Variants in LMO7 observed in about 807,000 individuals in gnomAD.
LMO7 encodes LIM domain 7.
A neutral mutation model predicts 206.5 loss-of-function variants in LMO7; 120 were observed. That is an observed-to-expected ratio of 0.58 (90% CI 0.50 to 0.68). LMO7 has a LOEUF of 0.68. Among genes scored for constraint, LMO7 ranks in the 30% least tolerant of loss-of-function variants. The probability of loss-of-function intolerance (pLI) is 0.00; values close to 1 mark genes in which losing one functional copy is unlikely to be tolerated. For missense variants in LMO7, 1,959 were observed against 1,957.9 expected (o/e 1.00, Z -0.01); for synonymous variants, 706 against 681.5 (o/e 1.04, Z -0.56).
chr13:75,659,439 A>C (rs1365467112), intron 1 of LMO7, among the ~76,000 whole-genome samples: 1 of 152,200 alleles, frequency 6.6e-6, no homozygotes, highest in Non-Finnish European at 1.5e-5. Context: ...GTTTAATTGG[A>C]CTTACAGTTC....
intron 1 of LMO7, among the ~76,000 whole-genome samples, chr13:75,671,862 C>T (rs879711270): frequency 6.6e-6 from 1 of 152,036 alleles, no homozygotes; most frequent in Admixed American, 6.6e-5. Context: ...TCTCTAAAGG[C>T]TCTGCATCAT....
At chr13:75,757,421 T>C (rs1025225942) in intron 3 of LMO7, among the ~76,000 whole-genome samples, 14 of 152,232 alleles carry the variant, frequency 9.2e-5, no homozygotes, top group Admixed American at 4.6e-4. Context: ...TAATGTATTA[T>C]GCACCAATAG....
chr13:75,855,306 G>A lies in LMO7; in HGVS notation c.4708G>A (p.Gly1570Ser). ...ATGCTCCTACTGCAATAACATTCTG[G>A]GCAAAGGAGCCGCCATGATCATCGA... ...RICSYCNNIL[G>S]KGAAMIIESL... The change falls in exon 29 of 31, where the codon GGC becomes AGC. Residue 1570 changes from glycine (G) to serine (S), a missense_variant. By Grantham distance (56) the Gly-to-Ser change is moderately conservative. Coordinates refer to ENST00000377534, the MANE Select transcript of LMO7 (RefSeq NM_001306080.2). 1 of 1,613,954 alleles carries A rather than the reference G, an allele frequency of 6.2e-7. No homozygotes were observed. Among genetic ancestry groups the A allele is most frequent in the Non-Finnish European group, 8.5e-7 (1 of 1,179,886 alleles).
intron 1 of LMO7, among the ~76,000 whole-genome samples, chr13:75,645,923 A>G (rs1322718914): frequency 2.6e-5 from 4 of 152,170 alleles, no homozygotes; most frequent in African/African-American, 7.2e-5. Flanking sequence ...TCAAGTTCAT[A>G]TATCTTCTCC....
chr13:75,780,291 A>T (rs1016821026), intron 4 of LMO7, among the ~76,000 whole-genome samples: 2 of 152,088 alleles, frequency 1.3e-5, no homozygotes, highest in African/African-American at 4.8e-5. Flanking sequence ...ACCAGGGCGT[A>T]TTTCATCCCA....
At chr13:75,808,620 A>G (rs2055880215) in intron 10 of LMO7, among the ~76,000 whole-genome samples, 1 of 152,118 alleles carries the variant, frequency 6.6e-6, no homozygotes, top group South Asian at 2.1e-4. Flanking sequence ...GGCATTGCAA[A>G]TTTCATTTAA....
intron 1 of LMO7, among the ~76,000 whole-genome samples, chr13:75,710,279 C>A (rs1413860456): frequency 6.6e-6 from 1 of 152,076 alleles, no homozygotes; most frequent in Non-Finnish European, 1.5e-5. Context: ...CTTGGCAATG[C>A]AGGCCCTTTT....
intron 1 of LMO7, among the ~76,000 whole-genome samples, chr13:75,664,250 A>G (rs984677515): frequency 6.6e-6 from 1 of 152,182 alleles, no homozygotes; most frequent in Non-Finnish European, 1.5e-5. Context: ...AATTTATAAA[A>G]ATAAACTTTT....
chr13:75,656,424 T>A (rs146825168), intron 1 of LMO7, among the ~76,000 whole-genome samples: 1 of 152,338 alleles, frequency 6.6e-6, no homozygotes, highest in East Asian at 1.9e-4. Flanking sequence ...TACCCAGCAA[T>A]TCAGATTGGT....
At chr13:75,828,270 G>A (rs7322777) in intron 15 of LMO7, among the ~76,000 whole-genome samples, 7,443 of 152,302 alleles carry the variant, frequency 0.049, 253 homozygotes, top group African/African-American at 0.098. Flanking sequence ...CAAAGTAGGT[G>A]TATTATCCCC....
chr13:75,800,820 CTT>C lies in LMO7; in HGVS notation c.601_602del (p.Leu201GlyfsTer11). 1 of 1,614,064 alleles carries C rather than the reference CTT, an allele frequency of 6.2e-7. No individual in the cohort carries two copies. The highest frequency in any genetic ancestry group is 8.5e-7 in the Non-Finnish European group (1 of 1,180,008). ...GAAGATTCCTTTGAAAGCTTGGACTCTTTGGGCTCGAGGTCATTGACAAGCTG... is the reference window on the plus strand; with the variant it reads ...GAAGATTCCTTTGAAAGCTTGGACTCTGGGCTCGAGGTCATTGACAAGCTG... On this transcript the variant is annotated frameshift_variant, in exon 7 of 31. Coordinates refer to ENST00000377534, the MANE Select transcript of LMO7 (RefSeq NM_001306080.2). LOFTEE classifies it high-confidence loss of function.
intron 3 of LMO7, among the ~76,000 whole-genome samples, chr13:75,736,493 A>T (rs2045832973): frequency 1.3e-5 from 2 of 152,240 alleles, no homozygotes; most frequent in African/African-American, 4.8e-5. Context: ...AGATAGTCAA[A>T]GAATGTTTGT....
chr13:75,819,041 A>G (rs1173731856), intron 12 of LMO7, among the ~76,000 whole-genome samples: 2 of 152,200 alleles, frequency 1.3e-5, no homozygotes, highest in African/African-American at 4.8e-5. Flanking sequence ...GTTTCGCAGA[A>G]CAGCCAGGTT....
intron 3 of LMO7, among the ~76,000 whole-genome samples, chr13:75,756,091 G>A (rs906819298): frequency 6.6e-6 from 1 of 152,128 alleles, no homozygotes; most frequent in Non-Finnish European, 1.5e-5. Flanking sequence ...TGAGGATGTG[G>A]TTGTAAAATT....
chr13:75,671,178 G>A (rs2039546094), intron 1 of LMO7, among the ~76,000 whole-genome samples: 3 of 151,016 alleles, frequency 2.0e-5, no homozygotes, highest in South Asian at 2.1e-4. Flanking sequence ...TACCTCCTGA[G>A]GGACTGGCCT....
intron 4 of LMO7, among the ~76,000 whole-genome samples, chr13:75,775,169 T>C (rs1296956178): frequency 6.6e-6 from 1 of 152,088 alleles, no homozygotes; most frequent in Admixed American, 6.5e-5. Flanking sequence ...AAAAACTCAT[T>C]GAGTTGAGCC....
At chr13:75,765,371 CTT>C (rs77568842) in intron 4 of LMO7, among the ~76,000 whole-genome samples, 32 of 118,680 alleles carry the variant, frequency 2.7e-4, no homozygotes, top group Non-Finnish European at 2.5e-4. Context: ...ACATCTTCAT[CTT>C]TTTTTTTTTT....
intron 15 of LMO7, among the ~76,000 whole-genome samples, chr13:75,831,572 T>C (rs1052752988): frequency 6.6e-6 from 1 of 152,154 alleles, no homozygotes; most frequent in African/African-American, 2.4e-5. Flanking sequence ...TCCAAGAGCA[T>C]GGCACCAACA....
intron 4 of LMO7, among the ~76,000 whole-genome samples, chr13:75,761,409 A>G (rs1188064759): frequency 6.6e-6 from 1 of 152,150 alleles, no homozygotes; most frequent in African/African-American, 2.4e-5. Context: ...ATTTTTTTAT[A>G]TATTTGGAAT....
Sources: allele counts gnomAD v4.1 joint callset (sites outside exome capture counted in the v4.1 genomes callset), GRCh38; gene constraint gnomAD v4.1.1; transcripts MANE v1.5; gene names NCBI Gene and HGNC (gene_info 2026-07-23, HGNC 2026-07-21).